KIAA1217: variants seen among roughly 807,000 people sequenced by gnomAD.
The protein encoded by KIAA1217 is KIAA1217.
Under a neutral mutation model 163.9 loss-of-function variants are expected in KIAA1217, and 88 were observed. That is an observed-to-expected ratio of 0.54 (90% CI 0.45 to 0.64). KIAA1217 has a LOEUF of 0.64. KIAA1217 is among the 30% of genes least tolerant of loss of function. KIAA1217 has a pLI of 0.00. For missense variants in KIAA1217, 2,372 were observed against 2,475.0 expected (o/e 0.96, Z 0.88); for synonymous variants, 903 against 923.1 (o/e 0.98, Z 0.39).
intron 3 of KIAA1217, among the ~76,000 whole-genome samples, chr10:24,404,948 C>CA (rs2131188104): frequency 6.6e-6 from 1 of 152,218 alleles, no homozygotes; most frequent in South Asian, 2.1e-4. Context: ...AGATGCAGAA[C>CA]GGATTAGTAG....
At chr10:24,397,310 G>A (rs972617631) in intron 3 of KIAA1217, among the ~76,000 whole-genome samples, 6 of 152,074 alleles carry the variant, frequency 3.9e-5, no homozygotes, top group African/African-American at 9.6e-5. Context: ...GGCTGGTCTC[G>A]AACTCCTGAC....
At chr10:23,960,004 C>T (rs1305490545) in intron 1 of KIAA1217, among the ~76,000 whole-genome samples, 1 of 151,280 alleles carries the variant, frequency 6.6e-6, no homozygotes, top group African/African-American at 2.4e-5. Context: ...CAAGCTCCTC[C>T]TCCCGGGTTC....
intron 2 of KIAA1217, among the ~76,000 whole-genome samples, chr10:24,085,203 G>T (rs1242395797): frequency 6.6e-6 from 1 of 152,124 alleles, no homozygotes; most frequent in East Asian, 1.9e-4. Flanking sequence ...GTGAGCCACC[G>T]CGCCCGGCCC....
chr10:24,415,110 CTTTTTTTT>C (rs71397948), intron 3 of KIAA1217, among the ~76,000 whole-genome samples: 12 of 120,250 alleles, frequency 1.0e-4, no homozygotes, highest in Non-Finnish European at 1.3e-4. Context: ...TGATCTCTCT[CTTTTTTTT>C]TTTTTTTTTT....
At chr10:24,293,020 G>A (rs967273750) in intron 2 of KIAA1217, among the ~76,000 whole-genome samples, 3 of 152,066 alleles carry the variant, frequency 2.0e-5, no homozygotes, top group Non-Finnish European at 4.4e-5. Context: ...CAAAATGCAT[G>A]CTCGGGAAGT....
intron 2 of KIAA1217, among the ~76,000 whole-genome samples, chr10:24,177,194 C>T (rs1203977776): frequency 2.0e-5 from 3 of 147,000 alleles, no homozygotes; most frequent in African/African-American, 5.1e-5. Flanking sequence ...CCAGAGTGGA[C>T]GCCAAGCCTG....
chr10:24,176,699 C>A (rs1272227287), intron 2 of KIAA1217, among the ~76,000 whole-genome samples: 1 of 152,244 alleles, frequency 6.6e-6, no homozygotes, highest in African/African-American at 2.4e-5. Flanking sequence ...GCGGGCAGAG[C>A]TGCCTGCCAG....
chr10:23,988,138 G>A (rs989134634), intron 1 of KIAA1217, among the ~76,000 whole-genome samples: 1 of 152,070 alleles, frequency 6.6e-6, no homozygotes, highest in African/African-American at 2.4e-5. Context: ...TCTGTCGCAG[G>A]GGCTAGAAGC....
intron 1 of KIAA1217, among the ~76,000 whole-genome samples, chr10:23,701,256 C>T (rs1836429674): frequency 6.6e-6 from 1 of 152,100 alleles, no homozygotes; most frequent in Admixed American, 6.5e-5. Flanking sequence ...TGAAGAAGTC[C>T]CAATGGCTGT....
At chr10:23,845,969 T>C (rs1037200024) in intron 1 of KIAA1217, among the ~76,000 whole-genome samples, 10 of 152,010 alleles carry the variant, frequency 6.6e-5, no homozygotes, top group African/African-American at 9.7e-5. Flanking sequence ...GTTTTTCCAA[T>C]AGCATTTATT....
At position 24,473,910 on chromosome 10, in the gene KIAA1217, C is replaced by A; in HGVS notation, c.1529C>A (p.Ala510Asp). ...QPDRASPSRQ[A>D]FKKEPGTLVY... Reference sequence around the variant, plus strand: ...GACCGGGCCTCTCCGAGCCGCCAGGCCTTTAAAAAGGAGCCAGGCACCTTG... The same window carrying A: ...GACCGGGCCTCTCCGAGCCGCCAGGACTTTAAAAAGGAGCCAGGCACCTTG... The change falls in exon 6 of 21, where the codon GCC becomes GAC. Residue 510 changes from alanine (A) to aspartate (D), a missense_variant. Ala to Asp is a moderately radical substitution (Grantham distance 126). Around this residue, in one of 3 missense-constraint regions of KIAA1217, gnomAD observed 1,431 missense variants for 1,470.3 expected, o/e 0.97. Transcript: ENST00000376454. 1.9e-6 allele frequency: 3 copies of A among 1,614,170 alleles called. No homozygotes were observed. The highest frequency in any genetic ancestry group is 2.5e-6 in the Non-Finnish European group (3 of 1,180,042).
At chr10:24,005,340 A>G (rs1019667775) in intron 1 of KIAA1217, among the ~76,000 whole-genome samples, 2 of 152,234 alleles carry the variant, frequency 1.3e-5, no homozygotes, top group Non-Finnish European at 2.9e-5. Flanking sequence ...TAATTAGTTC[A>G]AATTCACCAG....
intron 1 of KIAA1217, among the ~76,000 whole-genome samples, chr10:23,832,673 C>T (rs1048400873): frequency 6.6e-6 from 1 of 152,068 alleles, no homozygotes; most frequent in Admixed American, 6.6e-5. Context: ...GGAGCTGTAT[C>T]CCAGGGACCA....
At position 24,101,609 on chromosome 10, in the gene KIAA1217, G is replaced by A. The variant is rs574790721; in HGVS notation, c.-171+94235G>A. On this transcript the variant is annotated intron_variant, in intron 2 of 18. Coordinates refer to the KIAA1217 transcript ENST00000376462. ...ATGAATTACATTGAAAGCTATACTC[G>A]TCAAGGTATTCTGAAGAAATTCAAT... 7.6e-4 allele frequency among the ~76,000 whole-genome samples: 115 copies of A among 152,122 alleles called. 1 individual carries two copies. The highest frequency in any genetic ancestry group is 6.2e-3 in the South Asian group (30 of 4,820).
chr10:24,523,762 C>G (rs2071664371), intron 12 of KIAA1217, among the ~76,000 whole-genome samples: 1 of 152,212 alleles, frequency 6.6e-6, no homozygotes, highest in African/African-American at 2.4e-5. Context: ...ACACCAGACA[C>G]TCTGTCTTTT....
chr10:23,862,146 A>G (rs1839983038), intron 1 of KIAA1217, among the ~76,000 whole-genome samples: 1 of 152,156 alleles, frequency 6.6e-6, no homozygotes, highest in Non-Finnish European at 1.5e-5. Flanking sequence ...ATAGCAGTCT[A>G]GTATGTTCAG....
At chr10:24,262,634 A>G (rs2075838789) in intron 2 of KIAA1217, among the ~76,000 whole-genome samples, 1 of 151,964 alleles carries the variant, frequency 6.6e-6, no homozygotes, top group African/African-American at 2.4e-5. Flanking sequence ...CAAAGAAAAA[A>G]AAAAAAAAAA....
intron 1 of KIAA1217, among the ~76,000 whole-genome samples, chr10:23,797,333 C>T (rs1836254064): frequency 6.6e-6 from 1 of 152,084 alleles, no homozygotes; most frequent in Admixed American, 6.6e-5. Context: ...GAAGATAAGA[C>T]ATTTTTAATC....
chr10:24,461,882 G>A (rs1301043335), intron 5 of KIAA1217, among the ~76,000 whole-genome samples: 2 of 152,120 alleles, frequency 1.3e-5, no homozygotes, highest in South Asian at 2.1e-4. Flanking sequence ...TGGAGACCCT[G>A]TGCCTCTGTG....
Sources: gnomAD v4.1 joint callset for allele counts (sites outside exome capture counted in the v4.1 genomes callset) on GRCh38, gnomAD v4.1.1 for gene constraint, gnomAD v4.1.1 regional missense constraint, MANE v1.5 for transcripts, NCBI Gene and HGNC (gene_info 2026-07-23, HGNC 2026-07-21) for gene names.